The following FBXO42 variants were observed in gnomAD, a reference collection of about 807,000 sequenced individuals.
FBXO42 encodes the protein F-box protein 42.
FBXO42 carries 12 observed loss-of-function variants against 71.7 expected under a neutral mutation model. The observed-to-expected ratio is 0.17, with a 90% CI of 0.11 to 0.27. The LOEUF (loss-of-function observed/expected upper bound fraction) is 0.27, where lower values mean the gene tolerates loss of function less well. Among genes scored for constraint, FBXO42 ranks in the 10% least tolerant of loss-of-function variants. FBXO42 has a pLI of 1.00. For missense variants in FBXO42, 707 were observed against 911.9 expected (o/e 0.78, Z 2.89); for synonymous variants, 325 against 327.5 (o/e 0.99, Z 0.08).
At chr1:16,287,754 C>T (rs1486670325) in intron 4 of FBXO42, among the ~76,000 whole-genome samples, 1 of 152,032 alleles carries the variant, frequency 6.6e-6, no homozygotes, top group Non-Finnish European at 1.5e-5. Flanking sequence ...CTGGCCTGTG[C>T]TGTCATTTAA....
At chr1:16,264,012 T>A (rs181608404) in intron 4 of FBXO42, among the ~76,000 whole-genome samples, 369 of 152,158 alleles carry the variant, frequency 2.4e-3, no homozygotes, top group African/African-American at 8.2e-3. Context: ...GGTTTCACCA[T>A]GTTGGCCAGG....
At chr1:16,256,891 G>A (rs2081652278) in intron 4 of FBXO42, 132 bp from the exon 5 acceptor site, 12 of 846,256 alleles carry the variant, frequency 1.4e-5, no homozygotes, top group South Asian at 2.6e-5. Context: ...TAGAGGAAAG[G>A]TGGAAAGAAA....
chr1:16,350,757 A>AGAAAAGAAAAGAAAGAAAGAAAGAAAG lies in FBXO42; in HGVS notation c.-18+1497_-18+1498insCTTTCTTTCTTTCTTTCTTTTCTTTTC, dbSNP rs1553156684. 7.7e-4 allele frequency among the ~76,000 whole-genome samples: 34 copies of AGAAAAGAAAAGAAAGAAAGAAAGAAAG among 44,270 alleles called. 2 individuals carry two copies. Among genetic ancestry groups the AGAAAAGAAAAGAAAGAAAGAAAGAAAG allele is most frequent in the Non-Finnish European group, 1.3e-3 (31 of 24,390 alleles). The allele number at this position is 44,270 out of a possible 152,430, so 29.0% of individuals were successfully genotyped here. On this transcript the variant is annotated intron_variant, in intron 1 of 9. Coordinates refer to ENST00000375592, the MANE Select transcript of FBXO42 (RefSeq NM_018994.3). ...GTGAGAAACTGCAAAAAAAAAAAAA[A>AGAAAAGAAAAGAAAGAAAGAAAGAAAG]AAAGAAAGAAAGAAAGAAAGAAAGA...
intron 1 of FBXO42, among the ~76,000 whole-genome samples, chr1:16,328,876 T>C (rs1021350349): frequency 2.0e-5 from 3 of 151,960 alleles, no homozygotes; most frequent in African/African-American, 7.3e-5. Context: ...AGAAAATTGA[T>C]GGGATTGGCC....
chr1:16,294,657 A>T, intron 4 of FBXO42, 126 bp downstream of exon 4: 1 of 915,066 alleles, frequency 1.1e-6, no homozygotes, highest in Non-Finnish European at 1.6e-6. Flanking sequence ...TACATGGCAC[A>T]TTAAACTTAA....
chr1:16,350,573 C>CAAAAAAAAAAAAAAAAAAA (rs60358251), intron 1 of FBXO42, among the ~76,000 whole-genome samples: 1 of 66,792 alleles, frequency 1.5e-5, no homozygotes. Context: ...ACTAAAATTA[C>CAAAAAAAAAAAAAAAAAAA]AAAAAAAAAA....
intron 4 of FBXO42, among the ~76,000 whole-genome samples, chr1:16,288,784 T>C (rs1035890022): frequency 1.3e-5 from 2 of 151,056 alleles, no homozygotes. Context: ...ATGGTGAAAC[T>C]CCACCTCTAC....
intron 1 of FBXO42, among the ~76,000 whole-genome samples, chr1:16,319,688 G>A (rs1010703709): frequency 2.6e-5 from 4 of 151,792 alleles, no homozygotes; most frequent in South Asian, 2.1e-4. Context: ...TTAGGCAGGC[G>A]GATCACGAGC....
intron 3 of FBXO42, among the ~76,000 whole-genome samples, chr1:16,298,135 A>C (rs974466160): frequency 1.3e-5 from 2 of 152,080 alleles, no homozygotes; most frequent in African/African-American, 4.8e-5. Flanking sequence ...CTGAGGCAGT[A>C]GAATCGCTCG....
At chr1:16,258,507 C>A (rs2081672371) in intron 4 of FBXO42, among the ~76,000 whole-genome samples, 2 of 151,846 alleles carry the variant, frequency 1.3e-5, no homozygotes, top group South Asian at 2.1e-4. Context: ...CAGGCAAGCA[C>A]CACCATGCCC....
At chr1:16,288,467 T>C (rs1257475475) in intron 4 of FBXO42, among the ~76,000 whole-genome samples, 1 of 150,690 alleles carries the variant, frequency 6.6e-6, no homozygotes, top group Non-Finnish European at 1.5e-5. Flanking sequence ...ATAATAATAA[T>C]AATAAACAAA....
chr1:16,343,258 T>C (rs865871712), intron 1 of FBXO42, among the ~76,000 whole-genome samples: 17 of 152,224 alleles, frequency 1.1e-4, no homozygotes, highest in African/African-American at 4.1e-4. Flanking sequence ...TTAGAAGAAC[T>C]GCAGGCTAGG....
chr1:16,315,572 A>G (rs2082355738), intron 1 of FBXO42, 137 bp from the exon 2 acceptor site: 4 of 758,914 alleles, frequency 5.3e-6, no homozygotes, highest in South Asian at 4.0e-5. Flanking sequence ...TTCCAATACC[A>G]CTTGTGAGCC....
chr1:16,335,710 A>G (rs1022484556), intron 1 of FBXO42, among the ~76,000 whole-genome samples: 5 of 151,824 alleles, frequency 3.3e-5, no homozygotes, highest in African/African-American at 1.2e-4. Context: ...TACTAAAAAT[A>G]CAAAACATTA....
chr1:16,253,243 G>C, intron 7 of FBXO42, 91 bp from the exon 8 acceptor site: 1 of 1,086,892 alleles, frequency 9.2e-7, no homozygotes, highest in Non-Finnish European at 1.3e-6. Context: ...AGCCTACCTA[G>C]CTCCCAAATG....
chr1:16,251,750 A>G lies in FBXO42; in HGVS notation c.1074T>C (p.Pro358=), dbSNP rs2081594627. 3 of 1,614,126 alleles carry G rather than the reference A, an allele frequency of 1.9e-6. No individual in the cohort carries two copies. Among genetic ancestry groups the G allele is most frequent in the Non-Finnish European group, 2.5e-6 (3 of 1,180,004 alleles). Residue 358 remains proline (P), a synonymous_variant, in exon 10 of 10, where the codon CCT becomes CCC. Transcript: ENST00000375592. This position sits in a 1 kb window ranked among gnomAD's most constrained non-coding sequence, Gnocchi z 4.5. ...GQCVVVFSQA[P]SGRAPLSPSL... is the part of the protein sequence containing the mutation. ...TGGGGCTGAGTGGGGCTCTCCCACT[A>G]GGAGCCTGGCTGAAGACCACCACAC... is the stretch of plus-strand genomic sequence containing the variant.
At chr1:16,333,447 C>T (rs887169277) in intron 1 of FBXO42, among the ~76,000 whole-genome samples, 1 of 99,230 alleles carries the variant, frequency 1.0e-5, no homozygotes, top group African/African-American at 3.2e-5. Context: ...CCCCCCCCCC[C>T]CATTTCCAAG....
intron 4 of FBXO42, among the ~76,000 whole-genome samples, chr1:16,280,682 A>G (rs2081954374): frequency 6.6e-6 from 1 of 152,138 alleles, no homozygotes; most frequent in South Asian, 2.1e-4. Context: ...GGCTGAGGAA[A>G]GAGGATCACC....
intron 1 of FBXO42, among the ~76,000 whole-genome samples, chr1:16,344,006 T>A (rs1028669461): frequency 2.0e-5 from 3 of 151,442 alleles, no homozygotes; most frequent in African/African-American, 4.8e-5. Context: ...ATCTTTTTTT[T>A]ATTTTTTTGA....
Sources: allele counts gnomAD v4.1 joint callset (sites outside exome capture counted in the v4.1 genomes callset), GRCh38; gene constraint gnomAD v4.1.1; non-coding constraint Gnocchi (gnomAD v3.1); transcripts MANE v1.5; gene names NCBI Gene and HGNC (gene_info 2026-07-23, HGNC 2026-07-21).